The following EEPD1 variants were observed in gnomAD, a reference collection of about 807,000 sequenced individuals.
EEPD1 encodes endonuclease/exonuclease/phosphatase family domain-containing protein 1.
EEPD1 carries 17 observed loss-of-function variants against 46.3 expected under a neutral mutation model. That is an observed-to-expected ratio of 0.37 (90% CI 0.25 to 0.55). EEPD1 has a LOEUF of 0.55. Among genes scored for constraint, EEPD1 ranks in the 20% least tolerant of loss-of-function variants. The pLI, the probability that EEPD1 is intolerant of heterozygous loss-of-function variation, is 0.83. For synonymous variants in EEPD1, 313 were observed against 315.6 expected, an observed-to-expected ratio of 0.99 and a Z score of 0.09; for missense variants, 673 against 745.6, an observed-to-expected ratio of 0.90 and a Z score of 1.13.
intron 2 of EEPD1, among the ~76,000 whole-genome samples, chr7:36,157,630 T>G (rs1012885198): frequency 6.6e-6 from 1 of 152,226 alleles, no homozygotes; most frequent in African/African-American, 2.4e-5. Flanking sequence ...CGTCACATTC[T>G]CACTCTTGGC....
At chr7:36,236,951 T>C (rs1327098233) in intron 2 of EEPD1, among the ~76,000 whole-genome samples, 1 of 152,234 alleles carries the variant, frequency 6.6e-6, no homozygotes, top group Non-Finnish European at 1.5e-5. Context: ...CATACCAGGC[T>C]GTGGAAGCTT....
At chr7:36,249,049 CTT>C (rs1786690202) in intron 3 of EEPD1, among the ~76,000 whole-genome samples, 1 of 117,136 alleles carries the variant, frequency 8.5e-6, no homozygotes, top group African/African-American at 3.1e-5. Flanking sequence ...TCTCCTTATT[CTT>C]TGAAAATCAT....
Position 36,154,880 on chromosome 7 carries a change from G to C in EEPD1, c.556G>C (p.Ala186Pro), listed in dbSNP as rs763941759. Residue 186 changes from alanine to proline, a missense_variant, in exon 2 of 8, where the codon GCC becomes CCC. Transcript: ENST00000242108. The surrounding 1 kb of genome is among the most constrained non-coding windows in gnomAD (Gnocchi z 4.2). The part of the protein sequence containing the change: ...DLVRMDGINA[A>P]FLDRIRHQVF... The stretch of plus-strand genomic sequence containing the variant: ...AGTGAGGATGGATGGTATCAATGCC[G>C]CCTTCCTGGACAGGATCCGGCACCA... The C allele has an allele frequency of 5.0e-6, 8 of 1,614,048 alleles. No homozygotes were observed. Among genetic ancestry groups the C allele is most frequent in the Non-Finnish European group, 6.8e-6 (8 of 1,180,036 alleles).
chr7:36,288,052 A>G (rs1787368839), intron 6 of EEPD1, among the ~76,000 whole-genome samples: 1 of 152,108 alleles, frequency 6.6e-6, no homozygotes, highest in Non-Finnish European at 1.5e-5. Flanking sequence ...GAAGAATATA[A>G]GTGATGATGC....
intron 3 of EEPD1, among the ~76,000 whole-genome samples, chr7:36,258,948 T>C (rs1027194140): frequency 1.3e-5 from 2 of 151,294 alleles, no homozygotes; most frequent in Non-Finnish European, 1.5e-5. Flanking sequence ...CCCAGTTTTG[T>C]GCTTGAAACC....
At chr7:36,232,437 C>T (rs1213028782) in intron 2 of EEPD1, among the ~76,000 whole-genome samples, 1 of 151,840 alleles carries the variant, frequency 6.6e-6, no homozygotes, top group East Asian at 1.9e-4. Flanking sequence ...ATCTCCTGAC[C>T]TTGTGATCCA....
At chr7:36,203,263 C>T (rs1332953618) in intron 2 of EEPD1, among the ~76,000 whole-genome samples, 1 of 152,176 alleles carries the variant, frequency 6.6e-6, no homozygotes, top group Non-Finnish European at 1.5e-5. Context: ...TCAGGGCATT[C>T]TGGGAGTGGG....
chr7:36,186,281 C>T (rs973410229), intron 2 of EEPD1, among the ~76,000 whole-genome samples: 9 of 152,270 alleles, frequency 5.9e-5, no homozygotes, highest in African/African-American at 2.2e-4. Flanking sequence ...TCCTCAAAAT[C>T]TACCTCTGCA....
chr7:36,188,949 G>C (rs1178484775), intron 2 of EEPD1, among the ~76,000 whole-genome samples: 4 of 152,216 alleles, frequency 2.6e-5, no homozygotes, highest in Non-Finnish European at 5.9e-5. Flanking sequence ...TAAGTTATTA[G>C]TGAATATTGA....
intron 2 of EEPD1, among the ~76,000 whole-genome samples, chr7:36,192,026 G>A (rs1336412984): frequency 2.0e-5 from 3 of 152,180 alleles, no homozygotes; most frequent in African/African-American, 7.2e-5. Flanking sequence ...TTTCCGCGTT[G>A]TCGAAACCCC....
intron 2 of EEPD1, among the ~76,000 whole-genome samples, chr7:36,160,221 T>G (rs1784880749): frequency 6.6e-6 from 1 of 152,212 alleles, no homozygotes; most frequent in Non-Finnish European, 1.5e-5. Context: ...TGTATCAGGC[T>G]CTGGTAATAA....
chr7:36,274,053 T>A (rs1787150714), intron 3 of EEPD1, among the ~76,000 whole-genome samples: 1 of 152,212 alleles, frequency 6.6e-6, no homozygotes, highest in Non-Finnish European at 1.5e-5. Flanking sequence ...CAAGACACAC[T>A]GCTCCCTGCC....
Position 36,220,735 on chromosome 7 carries a change from G to A in EEPD1, c.879-18250G>A, listed in dbSNP as rs75385791. Among the ~76,000 whole-genome samples the A allele has an allele frequency of 6.9e-3, 1,054 of 152,248 alleles. 14 individuals are homozygous for A. Among genetic ancestry groups the A allele is most frequent in the African/African-American group, 0.024 (1,013 of 41,562 alleles). ...GTCAGATGGTATTGAAAAATGCTTT[G>A]TCCTTCTCCTTTCACCCTCTGCCCA... On this transcript the variant is annotated intron_variant, in intron 2 of 7. Coordinates refer to ENST00000242108, the MANE Select transcript of EEPD1 (RefSeq NM_030636.3).
chr7:36,164,954 T>C (rs1175984274), intron 2 of EEPD1, among the ~76,000 whole-genome samples: 1 of 152,222 alleles, frequency 6.6e-6, no homozygotes, highest in East Asian at 1.9e-4. Context: ...TTTTAAGCTA[T>C]GTTATTACAA....
intron 3 of EEPD1, among the ~76,000 whole-genome samples, chr7:36,270,528 C>G (rs908630488): frequency 2.0e-5 from 3 of 152,166 alleles, no homozygotes; most frequent in Non-Finnish European, 4.4e-5. Context: ...CATTGTTCAA[C>G]TCCTACTTAT....
intron 2 of EEPD1, among the ~76,000 whole-genome samples, chr7:36,187,543 T>C (rs1785381291): frequency 6.6e-6 from 1 of 152,216 alleles, no homozygotes; most frequent in East Asian, 1.9e-4. Flanking sequence ...CATAATGTTG[T>C]CTGAGTTTAC....
At position 36,154,100 on chromosome 7, in the gene EEPD1, A is replaced by G. The variant is rs531409772; in HGVS notation, c.-192-33A>G. Reference sequence around the variant, plus strand: ...GTGCTAATGCAAATTTCTTAATTCAATGGGTTTCTATGTTTATTGATTTAT... The same window carrying G: ...GTGCTAATGCAAATTTCTTAATTCAGTGGGTTTCTATGTTTATTGATTTAT... On this transcript the variant is annotated intron_variant, in intron 1 of 7. Transcript: ENST00000242108. This position sits in a 1 kb window ranked among gnomAD's most constrained non-coding sequence, Gnocchi z 4.2. 2 of 596,082 alleles carry G rather than the reference A, an allele frequency of 3.4e-6. No homozygotes were observed. The highest frequency in any genetic ancestry group is 5.8e-6 in the Non-Finnish European group (2 of 343,068). 36.9% of individuals were successfully genotyped at this position (596,082 alleles called of 1,614,324 possible).
intron 2 of EEPD1, among the ~76,000 whole-genome samples, chr7:36,171,289 A>G (rs898589049): frequency 4.4e-5 from 6 of 137,412 alleles, no homozygotes; most frequent in African/African-American, 1.6e-4. Context: ...TTTTCAAGGT[A>G]TACTCTGTGT....
chr7:36,224,329 A>G (rs1786195513), intron 2 of EEPD1, among the ~76,000 whole-genome samples: 1 of 152,196 alleles, frequency 6.6e-6, no homozygotes, highest in Non-Finnish European at 1.5e-5. Context: ...CAAGGTGGGT[A>G]TGAGAAGGAG....
Sources: gnomAD v4.1 joint callset for allele counts (sites outside exome capture counted in the v4.1 genomes callset) on GRCh38, gnomAD v4.1.1 for gene constraint, Gnocchi (gnomAD v3.1) non-coding constraint, MANE v1.5 for transcripts, NCBI Gene and HGNC (gene_info 2026-07-23, HGNC 2026-07-21) for gene names.